The following GNAL variants were observed in gnomAD, a reference collection of about 807,000 sequenced individuals.
GNAL encodes G protein subunit alpha L.
A neutral mutation model predicts 55.1 loss-of-function variants in GNAL; 18 were observed. The observed-to-expected ratio is 0.33, with a 90% CI of 0.23 to 0.48. The LOEUF is 0.48. Ranked by LOEUF, GNAL falls within the 20% of genes least tolerant of loss-of-function variation. GNAL has a pLI of 0.99. For synonymous variants in GNAL, 253 were observed against 237.0 expected (o/e 1.07, Z -0.62); for missense variants, 412 against 614.1 (o/e 0.67, Z 3.48).
chr18:11,851,251 A>G, intron 5 of GNAL: 2 of 449,108 alleles, frequency 4.5e-6, no homozygotes, highest in Non-Finnish European at 7.9e-6. Context: ...TCCCCGCCGC[A>G]GCGCCGGAGC....
chr18:11,853,285 A>G (rs2035924856), intron 5 of GNAL: 1 of 167,146 alleles, frequency 6.0e-6, no homozygotes, highest in Non-Finnish European at 1.5e-5. Flanking sequence ...GGAAGGAAGG[A>G]GAAAGCTTGA....
chr18:11,879,896 T>C (rs1002134583), intron 11 of GNAL, among the ~76,000 whole-genome samples: 6 of 115,356 alleles, frequency 5.2e-5, no homozygotes, highest in African/African-American at 2.1e-4. Context: ...AAACTGCCCC[T>C]GTGTGGAGGC....
Position 11,752,379 on chromosome 18 carries a change from C to A in GNAL, c.377-474C>A. 1.3e-6 allele frequency: 2 copies of A among 1,570,704 alleles called. No individual in the cohort carries two copies. The highest frequency in any genetic ancestry group is 2.5e-5 in the East Asian group (1 of 40,444). On this transcript the variant is annotated intron_variant, in intron 1 of 11. Coordinates refer to ENST00000334049, the MANE Select transcript of GNAL (RefSeq NM_182978.4). This position sits in a 1 kb window ranked among gnomAD's most constrained non-coding sequence, Gnocchi z 4.5. The stretch of plus-strand genomic sequence containing the variant: ...AGGAGCCGCACACGTCTCCAACTCT[C>A]TATTGCTTTTTGCGCACATTCCTAA...
Position 11,753,658 on chromosome 18 carries a change from GA to G in GNAL, c.485del (p.Asn162MetfsTer7). ...EKKQKILDIR[K>X]NVKDAIVTIV... Reference sequence around the variant, plus strand: ...AGAAACAGAAAATTCTGGACATCCGGAAAAATGTTAAAGATGCTATCGTGGT... The same window carrying G: ...AGAAACAGAAAATTCTGGACATCCGGAAAATGTTAAAGATGCTATCGTGGT... On this transcript the variant is annotated frameshift_variant, in exon 3 of 12. Transcript: ENST00000334049. LOFTEE classifies it high-confidence loss of function. 5.6e-6 allele frequency: 9 copies of G among 1,601,794 alleles called. No homozygotes were observed. The highest frequency in any genetic ancestry group is 7.7e-6 in the Non-Finnish European group (9 of 1,168,944).
At chr18:11,717,384 G>A (rs1388328532) in intron 1 of GNAL, among the ~76,000 whole-genome samples, 1 of 152,222 alleles carries the variant, frequency 6.6e-6, no homozygotes, top group East Asian at 1.9e-4. Flanking sequence ...GGCTCCTCAA[G>A]TGCCGCCAAA....
At chr18:11,740,332 C>T (rs2032550542) in intron 1 of GNAL, among the ~76,000 whole-genome samples, 2 of 152,058 alleles carry the variant, frequency 1.3e-5, no homozygotes, top group South Asian at 4.1e-4. Flanking sequence ...CTGCCCTGCC[C>T]ACTCCACACC....
chr18:11,752,726 C>A lies in GNAL; in HGVS notation c.377-127C>A. ...CAGACGGCGGCCGGGGCGAGCTCCT[C>A]CAGCCAGGAACCCGCGTGTAGGAAA... On this transcript the variant is annotated intron_variant, in intron 1 of 11. Coordinates refer to ENST00000334049, the MANE Select transcript of GNAL (RefSeq NM_182978.4). The surrounding 1 kb of genome is among the most constrained non-coding windows in gnomAD (Gnocchi z 4.5). 1 of 1,175,388 alleles carries A rather than the reference C, an allele frequency of 8.5e-7. No homozygotes were observed. The highest frequency in any genetic ancestry group is 1.2e-6 in the Non-Finnish European group (1 of 822,614). 72.8% of individuals were successfully genotyped at this position (1,175,388 alleles called of 1,614,324 possible).
chr18:11,877,798 T>G (rs915681240), intron 11 of GNAL, among the ~76,000 whole-genome samples: 25 of 152,278 alleles, frequency 1.6e-4, no homozygotes, highest in African/African-American at 5.5e-4. Flanking sequence ...GACTCTTGAA[T>G]CCTACAGTGA....
At chr18:11,690,954 T>G (rs2031228554) in intron 1 of GNAL, among the ~76,000 whole-genome samples, 1 of 148,866 alleles carries the variant, frequency 6.7e-6, no homozygotes, top group Non-Finnish European at 1.5e-5. Context: ...GCATGATTTA[T>G]AGTCCTTTGG....
intron 5 of GNAL, among the ~76,000 whole-genome samples, chr18:11,845,579 G>A (rs139953228): frequency 1.9e-4 from 29 of 152,166 alleles, no homozygotes; most frequent in Admixed American, 5.2e-4. Context: ...TTGTACGTTA[G>A]TTTGTAGGAA....
chr18:11,770,707 A>T (rs1168293742), intron 4 of GNAL, among the ~76,000 whole-genome samples: 1 of 152,134 alleles, frequency 6.6e-6, no homozygotes, highest in Non-Finnish European at 1.5e-5. Flanking sequence ...CCATTTTCTC[A>T]AGCTTAAATA....
chr18:11,858,186 A>G (rs939047486), intron 5 of GNAL, among the ~76,000 whole-genome samples: 10 of 152,210 alleles, frequency 6.6e-5, no homozygotes, highest in African/African-American at 2.4e-4. Context: ...CTAATATCAA[A>G]CAGAAGGGGG....
chr18:11,809,787 T>C (rs1289002190), intron 4 of GNAL, among the ~76,000 whole-genome samples: 2 of 152,152 alleles, frequency 1.3e-5, no homozygotes, highest in Non-Finnish European at 2.9e-5. Flanking sequence ...ACTTGAAATA[T>C]TTGAGTCCAA....
At chr18:11,740,861 T>C (rs982462150) in intron 1 of GNAL, among the ~76,000 whole-genome samples, 1 of 152,234 alleles carries the variant, frequency 6.6e-6, no homozygotes, top group Non-Finnish European at 1.5e-5. Context: ...TAGACAAATA[T>C]GAAGCTCTGT....
At chr18:11,764,820 C>A (rs981450543) in intron 4 of GNAL, among the ~76,000 whole-genome samples, 13 of 152,104 alleles carry the variant, frequency 8.5e-5, no homozygotes, top group Non-Finnish European at 1.8e-4. Context: ...GATGTAAGTT[C>A]TGTGTAGCTA....
intron 1 of GNAL, among the ~76,000 whole-genome samples, chr18:11,739,634 C>G (rs1353552814): frequency 1.3e-5 from 2 of 151,894 alleles, no homozygotes; most frequent in Non-Finnish European, 2.9e-5. Flanking sequence ...ATACAGGTCC[C>G]TTTCCTTTTT....
chr18:11,724,972 C>A (rs900491384), intron 1 of GNAL, among the ~76,000 whole-genome samples: 1 of 152,212 alleles, frequency 6.6e-6, no homozygotes, highest in Non-Finnish European at 1.5e-5. Flanking sequence ...TCTGACACCT[C>A]GAGCACCATG....
intron 4 of GNAL, among the ~76,000 whole-genome samples, chr18:11,795,021 T>G (rs113105035): frequency 0.085 from 12,995 of 152,124 alleles, 983 homozygotes; most frequent in African/African-American, 0.2. Context: ...TTTTGTATTT[T>G]TAGTAGAGAC....
intron 4 of GNAL, among the ~76,000 whole-genome samples, chr18:11,759,636 C>T (rs1160489719): frequency 1.3e-5 from 2 of 152,242 alleles, no homozygotes; most frequent in African/African-American, 4.8e-5. Flanking sequence ...GAGAGCCAGA[C>T]GGCCTGGTGT....
Sources: allele counts gnomAD v4.1 joint callset (sites outside exome capture counted in the v4.1 genomes callset), GRCh38; gene constraint gnomAD v4.1.1; non-coding constraint Gnocchi (gnomAD v3.1); transcripts MANE v1.5; gene names NCBI Gene and HGNC (gene_info 2026-07-23, HGNC 2026-07-21).